The following OSBPL1A variants were observed in gnomAD, a reference collection of about 807,000 sequenced individuals.
The protein encoded by OSBPL1A is oxysterol-binding protein-related protein 1.
OSBPL1A carries 80 observed loss-of-function variants against 137.1 expected under a neutral mutation model. The observed-to-expected ratio is 0.58, with a 90% CI of 0.49 to 0.70. The LOEUF (loss-of-function observed/expected upper bound fraction) is 0.70, where lower values mean the gene tolerates loss of function less well. OSBPL1A is among the 30% of genes least tolerant of loss of function. OSBPL1A has a pLI of 0.00. For synonymous variants in OSBPL1A, 365 were observed against 389.7 expected (o/e 0.94, Z 0.75); for missense variants, 970 against 1,129.4 (o/e 0.86, Z 2.02).
At chr18:24,357,118 A>G (rs1371681376) in intron 4 of OSBPL1A, 1 of 152,224 alleles carries the variant, frequency 6.6e-6, no homozygotes, top group Non-Finnish European at 1.5e-5. Flanking sequence ...AAATGATGAG[A>G]CAAGTCTCAA....
At chr18:24,206,815 T>C (rs1441711723) in intron 17 of OSBPL1A, among the ~76,000 whole-genome samples, 3 of 152,162 alleles carry the variant, frequency 2.0e-5, no homozygotes, top group African/African-American at 7.2e-5. Flanking sequence ...AGCTTAAATT[T>C]CACAATTCTT....
chr18:24,176,808 T>C (rs1265122402), intron 21 of OSBPL1A, among the ~76,000 whole-genome samples: 1 of 152,174 alleles, frequency 6.6e-6, no homozygotes, highest in Non-Finnish European at 1.5e-5. Context: ...CCTGAGGCCC[T>C]TGTGTACCCT....
At chr18:24,392,248 C>T (rs2057323369) in intron 1 of OSBPL1A, among the ~76,000 whole-genome samples, 1 of 152,128 alleles carries the variant, frequency 6.6e-6, no homozygotes, top group Admixed American at 6.5e-5. Context: ...GCAACCTCCG[C>T]CTCCCGGGTT....
At position 24,360,029 on chromosome 18, in the gene OSBPL1A, G is replaced by A. The variant is rs924076073; in HGVS notation, c.282+6863C>T. 2.6e-5 allele frequency among the ~76,000 whole-genome samples: 4 copies of A among 152,090 alleles called. No individual in the cohort carries two copies. In the South Asian group the frequency reaches 6.2e-4, roughly 24 times the overall value. On this transcript the variant is annotated intron_variant, in intron 4 of 27. Coordinates refer to ENST00000319481, the MANE Select transcript of OSBPL1A (RefSeq NM_080597.4). Reference sequence around the variant, plus strand: ...GTCACCCAGGCTGGAGTGCGATGGCGCGATCTCGGCTCACTGCAACCTCCG... The same window carrying A: ...GTCACCCAGGCTGGAGTGCGATGGCACGATCTCGGCTCACTGCAACCTCCG...
At chr18:24,203,429 T>A (rs867848952) in intron 17 of OSBPL1A, among the ~76,000 whole-genome samples, 3 of 152,214 alleles carry the variant, frequency 2.0e-5, no homozygotes, top group Admixed American at 6.5e-5. Flanking sequence ...GTATGTGCAT[T>A]TTTTAAATTG....
intron 15 of OSBPL1A, among the ~76,000 whole-genome samples, chr18:24,259,454 G>A (rs971358868): frequency 2.0e-5 from 3 of 152,114 alleles, no homozygotes; most frequent in African/African-American, 4.8e-5. Context: ...ATAGACAAAT[G>A]ACTAAGTTCT....
At chr18:24,359,218 T>TAGAGAA (rs1268224307) in intron 4 of OSBPL1A, among the ~76,000 whole-genome samples, 45 of 150,932 alleles carry the variant, frequency 3.0e-4, no homozygotes, top group Non-Finnish European at 6.1e-4. Flanking sequence ...ACCCTGTCTA[T>TAGAGAA]AGAGAAAGAG....
chr18:24,253,278 A>C (rs919698981), intron 15 of OSBPL1A, among the ~76,000 whole-genome samples: 1 of 152,118 alleles, frequency 6.6e-6, no homozygotes, highest in Non-Finnish European at 1.5e-5. Flanking sequence ...GGGATAGAAA[A>C]AGACATTTCC....
chr18:24,200,434 T>A (rs1599480880), intron 17 of OSBPL1A, among the ~76,000 whole-genome samples: 1 of 151,782 alleles, frequency 6.6e-6, no homozygotes, highest in Non-Finnish European at 1.5e-5. Flanking sequence ...CAGTGGTGGG[T>A]GCCTGTAATC....
chr18:24,213,484 C>T (rs746911224), intron 17 of OSBPL1A, among the ~76,000 whole-genome samples: 11 of 152,168 alleles, frequency 7.2e-5, no homozygotes, highest in Non-Finnish European at 1.2e-4. Context: ...AGTTCTACTG[C>T]TTGAACCCAG....
At chr18:24,327,700 C>A (rs1400712503) in intron 7 of OSBPL1A, among the ~76,000 whole-genome samples, 2 of 152,056 alleles carry the variant, frequency 1.3e-5, no homozygotes, top group Non-Finnish European at 2.9e-5. Flanking sequence ...TGAGCCACCA[C>A]TCCTGGCCTG....
chr18:24,240,267 T>C (rs962409706), intron 15 of OSBPL1A, among the ~76,000 whole-genome samples: 1 of 152,182 alleles, frequency 6.6e-6, no homozygotes, highest in African/African-American at 2.4e-5. Context: ...CAACTCCACA[T>C]TTTACCTTTA....
chr18:24,258,417 A>C (rs1407716345), intron 15 of OSBPL1A, among the ~76,000 whole-genome samples: 1 of 152,348 alleles, frequency 6.6e-6, no homozygotes, highest in East Asian at 1.9e-4. Flanking sequence ...GGAATTACAA[A>C]TCAAAACAAT....
intron 2 of OSBPL1A, among the ~76,000 whole-genome samples, chr18:24,377,114 G>A (rs1377911864): frequency 6.6e-6 from 1 of 152,246 alleles, no homozygotes; most frequent in Non-Finnish European, 1.5e-5. Context: ...AAGCGAGCGA[G>A]GTCTGTGAGG....
In OSBPL1A at chr18:24,271,415, TG is replaced by T; in HGVS notation, c.1281+9426del. ...AACCCCACGGCAGGGAGACCCGCAC[TG>T]GGAAGAGAGCAGGGTCTCCCGGCTG... On this transcript the variant is annotated intron_variant, in intron 15 of 27. Transcript: ENST00000319481. This position sits in a 1 kb window ranked among gnomAD's most constrained non-coding sequence, Gnocchi z 4.0. 1 of 334,262 alleles carries T rather than the reference TG, an allele frequency of 3.0e-6. No individual in the cohort carries two copies. Among genetic ancestry groups the T allele is most frequent in the Non-Finnish European group, 4.3e-6 (1 of 234,550 alleles). 20.7% of individuals were successfully genotyped at this position (334,262 alleles called of 1,614,324 possible). A position where few individuals can be genotyped will look rare whatever the true frequency, so the allele number is the denominator to read the frequency against.
At chr18:24,293,125 A>AAAAAAAAG (rs200624581) in intron 14 of OSBPL1A, among the ~76,000 whole-genome samples, 10 of 82,110 alleles carry the variant, frequency 1.2e-4, no homozygotes, top group South Asian at 3.6e-4. Flanking sequence ...AAAAAAAAAA[A>AAAAAAAAG]AAAGAAAAGA....
chr18:24,391,594 T>C (rs928844717), intron 1 of OSBPL1A, among the ~76,000 whole-genome samples: 4 of 150,486 alleles, frequency 2.7e-5, no homozygotes, highest in Non-Finnish European at 5.9e-5. Context: ...CCAAATGTCA[T>C]GGTGCGCACC....
intron 17 of OSBPL1A, among the ~76,000 whole-genome samples, chr18:24,196,467 T>C (rs373623674): frequency 6.6e-6 from 1 of 152,166 alleles, no homozygotes; most frequent in African/African-American, 2.4e-5. Context: ...GTCCTTGGGA[T>C]CCAGCTGTTT....
rs796469147 is a variant in OSBPL1A, at chr18:24,242,910, T to A, written c.1282-3528A>T. 3.9e-5 allele frequency among the ~76,000 whole-genome samples: 6 copies of A among 152,272 alleles called. 1 individual carries two copies. Among genetic ancestry groups the A allele is most frequent in the African/African-American group, 1.4e-4 (6 of 41,528 alleles). ...GAAGAGGAAATAAGCATACTAAGGC[T>A]AGAGTCAACTTAAAAAAATAAATAA... On this transcript the variant is annotated intron_variant, in intron 15 of 27. Coordinates refer to ENST00000319481, the MANE Select transcript of OSBPL1A (RefSeq NM_080597.4).
Sources: gnomAD v4.1 joint callset for allele counts (sites outside exome capture counted in the v4.1 genomes callset) on GRCh38, gnomAD v4.1.1 for gene constraint, Gnocchi (gnomAD v3.1) non-coding constraint, MANE v1.5 for transcripts, NCBI Gene and HGNC (gene_info 2026-07-23, HGNC 2026-07-21) for gene names.